LBR: variants seen among roughly 807,000 people sequenced by gnomAD.
LBR encodes lamin B receptor, also known as delta(14)-sterol reductase LBR.
LBR carries 28 observed loss-of-function variants against 74.3 expected under a neutral mutation model. That is an observed-to-expected ratio of 0.38 (90% confidence interval 0.28 to 0.52). The LOEUF (loss-of-function observed/expected upper bound fraction) is 0.52, where lower values mean the gene tolerates loss of function less well. Among genes scored for constraint, LBR ranks in the 20% least tolerant of loss-of-function variants. The pLI is 0.89. For synonymous variants in LBR, 228 were observed against 269.3 expected (o/e 0.85, Z 1.50); for missense variants, 717 against 760.3 (o/e 0.94, Z 0.67).
chr1:225,425,397 C>T (rs985452712), intron 1 of LBR, among the ~76,000 whole-genome samples: 1 of 152,122 alleles, frequency 6.6e-6, no homozygotes, highest in African/African-American at 2.4e-5. Context: ...TCAATTAACA[C>T]ATTAGGTAAG....
At chr1:225,414,998 C>G (rs1013650636) in intron 7 of LBR, among the ~76,000 whole-genome samples, 3 of 152,204 alleles carry the variant, frequency 2.0e-5, no homozygotes, top group South Asian at 2.1e-4. Context: ...CGTGTAACAC[C>G]TCAGGTGATA....
rs987262840 is a variant in LBR at position 225,404,680 on chromosome 1, C to T, written c.1510G>A (p.Ala504Thr). The change falls in exon 12 of 14, where the codon GCA becomes ACA. Residue 504 changes from alanine to threonine, a missense_variant. Transcript: ENST00000272163. ...CGGAATGCATTTTTCTGAGAATTTG[C>T]ACCTCGGAAGATTACATAACCACAA... The part of the protein sequence containing the change: ...KLCGYVIFRG[A>T]NSQKNAFRKN... 3.1e-6 allele frequency: 5 copies of T among 1,610,988 alleles called. No homozygotes were observed. The African/African-American group carries it at 4.0e-5, about 13-fold the overall frequency.
intron 6 of LBR, among the ~76,000 whole-genome samples, chr1:225,417,185 A>G (rs1326470955): frequency 1.3e-5 from 2 of 152,206 alleles, no homozygotes; most frequent in Non-Finnish European, 2.9e-5. Flanking sequence ...TAGAGCCACT[A>G]AAGTTATGGT....
chr1:225,422,635 A>C (rs77984449), intron 2 of LBR, among the ~76,000 whole-genome samples: 2 of 142,662 alleles, frequency 1.4e-5, no homozygotes, highest in Non-Finnish European at 3.1e-5. Flanking sequence ...CACACAGACC[A>C]AAAAAAAAAA....
At chr1:225,407,302 C>A (rs1292350551) in intron 10 of LBR, among the ~76,000 whole-genome samples, 2 of 152,168 alleles carry the variant, frequency 1.3e-5, no homozygotes, top group African/African-American at 4.8e-5. Flanking sequence ...ACCTTTGCCA[C>A]CCCAGTACCT....
chr1:225,407,819 A>G (rs1414242988), intron 10 of LBR, among the ~76,000 whole-genome samples: 3 of 152,206 alleles, frequency 2.0e-5, no homozygotes, highest in Non-Finnish European at 4.4e-5. Context: ...CAGATGTCAC[A>G]TGAAACAGAA....
At chr1:225,420,177 G>T (rs1003265336) in intron 3 of LBR, among the ~76,000 whole-genome samples, 23 of 152,142 alleles carry the variant, frequency 1.5e-4, no homozygotes, top group African/African-American at 5.3e-4. Context: ...ACGCACGGTA[G>T]CGGGCACCTG....
At chr1:225,425,325 G>A (rs930375336) in intron 1 of LBR, among the ~76,000 whole-genome samples, 1 of 152,166 alleles carries the variant, frequency 6.6e-6, no homozygotes, top group Admixed American at 6.5e-5. Flanking sequence ...TTACAGAGAT[G>A]GCAGCTAGGT....
At chr1:225,420,179 G>A (rs185160791) in intron 3 of LBR, among the ~76,000 whole-genome samples, 11 of 152,046 alleles carry the variant, frequency 7.2e-5, no homozygotes, top group East Asian at 5.8e-4. Flanking sequence ...GCACGGTAGC[G>A]GGCACCTGTA....
At chr1:225,425,646 C>T (rs2096137693) in intron 1 of LBR, among the ~76,000 whole-genome samples, 1 of 152,092 alleles carries the variant, frequency 6.6e-6, no homozygotes, top group Non-Finnish European at 1.5e-5. Flanking sequence ...TAGCTCAGAG[C>T]CTCCAAGTAC....
chr1:225,419,841 T>C (rs1356373739), intron 3 of LBR, 43 bp from the exon 4 acceptor site: 1 of 1,355,422 alleles, frequency 7.4e-7, no homozygotes, highest in Admixed American at 1.7e-5. Flanking sequence ...GAACTGTAAC[T>C]TATTAAAAAG....
chr1:225,420,204 G>A lies in LBR; in HGVS notation c.367-406C>T, dbSNP rs112532607. 2.1e-3 allele frequency among the ~76,000 whole-genome samples: 317 copies of A among 151,938 alleles called. 1 individual carries two copies. Among genetic ancestry groups the A allele is most frequent in the African/African-American group, 6.8e-3 (281 of 41,440 alleles). On this transcript the variant is annotated intron_variant, in intron 3 of 13. Transcript: ENST00000272163. ...GGGCACCTGTAATTCCAGCTACTTC[G>A]GAAGCTGAGGCAGGAAAATCTCTTG... is the stretch of plus-strand genomic sequence containing the variant.
rs1170693139 is a variant in LBR at position 225,404,643 on chromosome 1, C to T, written c.1547G>A (p.Ser516Asn). The change falls in exon 12 of 14, where the codon AGT becomes AAT. Residue 516 changes from serine (S) to asparagine (N), a missense_variant. Coordinates refer to ENST00000272163, the MANE Select transcript of LBR (RefSeq NM_002296.4). ...ATACTTACGTGCAAGCTTTGGATCA[C>T]TGGGATTTTTCCGGAATGCATTTTT... ...SQKNAFRKNP[S>N]DPKLAHLKTI... The T allele has an allele frequency of 1.2e-6, 2 of 1,610,918 alleles. No individual in the cohort carries two copies. Among genetic ancestry groups the T allele is most frequent in the Non-Finnish European group, 1.7e-6 (2 of 1,178,626 alleles).
At chr1:225,419,238 C>A (rs1487068605) in intron 5 of LBR, 25 bp downstream of exon 5, 1 of 1,613,190 alleles carries the variant, frequency 6.2e-7, no homozygotes, top group Admixed American at 1.7e-5. Context: ...CACCTGCCCT[C>A]TCTGGGCCCA....
chr1:225,428,057 G>A (rs2096144559), upstream of LBR: 1 of 151,858 alleles, frequency 6.6e-6, no homozygotes, highest in African/African-American at 2.4e-5. Context: ...GCGCTCTCGC[G>A]CCCCGCAGTC....
At chr1:225,420,612 A>G (rs1209903608) in intron 3 of LBR, among the ~76,000 whole-genome samples, 1 of 152,160 alleles carries the variant, frequency 6.6e-6, no homozygotes, top group Non-Finnish European at 1.5e-5. Context: ...TACACTGTAA[A>G]AATATAGCAG....
chr1:225,418,780 C>A (rs1217504536), intron 5 of LBR, among the ~76,000 whole-genome samples: 1 of 152,176 alleles, frequency 6.6e-6, no homozygotes, highest in Non-Finnish European at 1.5e-5. Context: ...TTAGTAACTC[C>A]AAAACTCTGC....
chr1:225,422,684 C>A (rs2096130072), intron 2 of LBR, among the ~76,000 whole-genome samples: 1 of 151,256 alleles, frequency 6.6e-6, no homozygotes, highest in Non-Finnish European at 1.5e-5. Flanking sequence ...AACACATAAG[C>A]AGATCTTGAA....
intron 3 of LBR, among the ~76,000 whole-genome samples, chr1:225,421,422 G>A (rs575050945): frequency 3.3e-5 from 5 of 152,372 alleles, no homozygotes; most frequent in Admixed American, 1.3e-4. Context: ...GAACCCAGGA[G>A]GCGGAGCTTG....
Sources: gnomAD v4.1 joint callset for allele counts (sites outside exome capture counted in the v4.1 genomes callset) on GRCh38, gnomAD v4.1.1 for gene constraint, MANE v1.5 for transcripts, NCBI Gene and HGNC (gene_info 2026-07-23, HGNC 2026-07-21) for gene names.